FTO: variants seen among roughly 807,000 people sequenced by gnomAD.
FTO encodes the protein FTO alpha-ketoglutarate dependent dioxygenase.
A neutral mutation model predicts 63.9 loss-of-function variants in FTO; 47 were observed. The observed-to-expected ratio is 0.74, with a 90% CI of 0.58 to 0.94. The LOEUF is 0.94. Ranked by LOEUF, FTO falls within the 40% of genes least tolerant of loss-of-function variation. FTO has a pLI of 0.00. For synonymous variants in FTO, 207 were observed against 224.4 expected (o/e 0.92, Z 0.69); for missense variants, 562 against 618.1 (o/e 0.91, Z 0.96).
At chr16:53,884,918 G>A (rs1008834269) in intron 6 of FTO, among the ~76,000 whole-genome samples, 16 of 152,270 alleles carry the variant, frequency 1.1e-4, no homozygotes, top group East Asian at 1.9e-4. Flanking sequence ...TGTGTCACCC[G>A]TGGAATGTTC....
intron 8 of FTO, among the ~76,000 whole-genome samples, chr16:53,940,998 T>C (rs888490464): frequency 1.3e-5 from 2 of 152,320 alleles, no homozygotes; most frequent in South Asian, 4.1e-4. Flanking sequence ...GGATTTACTA[T>C]TCCAAGTTAA....
At chr16:53,922,340 A>T (rs1212803899) in intron 7 of FTO, among the ~76,000 whole-genome samples, 2 of 152,222 alleles carry the variant, frequency 1.3e-5, no homozygotes, top group African/African-American at 4.8e-5. Context: ...TTAAAGCTGT[A>T]AATGGGTTGT....
chr16:53,854,054 G>T (rs1237873912), intron 4 of FTO, among the ~76,000 whole-genome samples: 2 of 151,980 alleles, frequency 1.3e-5, no homozygotes, highest in South Asian at 2.1e-4. Context: ...GTTTTAATTT[G>T]CATTTCTTTG....
intron 1 of FTO, among the ~76,000 whole-genome samples, chr16:53,708,402 T>C (rs955809228): frequency 2.0e-5 from 3 of 152,042 alleles, no homozygotes; most frequent in Non-Finnish European, 4.4e-5. Flanking sequence ...GGATATACCA[T>C]ATTTTGTTTA....
At chr16:53,895,433 C>G (rs1336076936) in intron 7 of FTO, among the ~76,000 whole-genome samples, 1 of 152,152 alleles carries the variant, frequency 6.6e-6, no homozygotes, top group Non-Finnish European at 1.5e-5. Context: ...GTTTTTGCAA[C>G]TGGATAAGGA....
intron 1 of FTO, among the ~76,000 whole-genome samples, chr16:53,730,414 C>A (rs1321529697): frequency 4.6e-5 from 7 of 151,704 alleles, no homozygotes; most frequent in Non-Finnish European, 2.9e-5. Flanking sequence ...CATATTTTTT[C>A]TATCCATCCA....
chr16:53,758,102 T>G (rs1008076847), intron 1 of FTO, among the ~76,000 whole-genome samples: 7 of 152,148 alleles, frequency 4.6e-5, no homozygotes, highest in Admixed American at 4.6e-4. Context: ...ACCTGCCAGA[T>G]AGGTGTAAGA....
intron 1 of FTO, among the ~76,000 whole-genome samples, chr16:53,762,691 G>A (rs1370101349): frequency 1.3e-5 from 2 of 152,144 alleles, no homozygotes; most frequent in Admixed American, 1.3e-4. Context: ...AGAAAGAAAG[G>A]AAGAAAGGAA....
At chr16:53,967,369 T>G (rs1205132369) in intron 8 of FTO, among the ~76,000 whole-genome samples, 1 of 152,090 alleles carries the variant, frequency 6.6e-6, no homozygotes, top group Non-Finnish European at 1.5e-5. Flanking sequence ...ATTAAGACTC[T>G]GAGAACAGGC....
At chr16:53,892,088 C>CT (rs946974491) in intron 7 of FTO, among the ~76,000 whole-genome samples, 36 of 152,158 alleles carry the variant, frequency 2.4e-4, no homozygotes, top group Admixed American at 1.7e-3. Context: ...ATAGTGATTT[C>CT]TTTTTTCTAT....
intron 8 of FTO, chr16:53,993,023 C>T (rs1294104996): frequency 6.6e-6 from 1 of 152,198 alleles, no homozygotes; most frequent in African/African-American, 2.4e-5. Flanking sequence ...TTTTGACCCA[C>T]TGATGGTAGA....
At chr16:54,062,200 G>A (rs2144394312) in intron 8 of FTO, among the ~76,000 whole-genome samples, 1 of 152,294 alleles carries the variant, frequency 6.6e-6, no homozygotes, top group East Asian at 1.9e-4. Flanking sequence ...AAGTCATTTG[G>A]CAAACCCAAA....
intron 2 of FTO, among the ~76,000 whole-genome samples, chr16:53,821,426 T>A (rs2078863607): frequency 6.6e-6 from 1 of 152,206 alleles, no homozygotes; most frequent in Non-Finnish European, 1.5e-5. Flanking sequence ...TGCTCATGGC[T>A]TCAGAATATT....
At chr16:53,719,221 CT>C (rs2075969382) in intron 1 of FTO, among the ~76,000 whole-genome samples, 1 of 150,518 alleles carries the variant, frequency 6.6e-6, no homozygotes, top group Admixed American at 6.6e-5. Flanking sequence ...GAAGTTTGAA[CT>C]TTACTTCTTC....
At chr16:53,754,365 C>T (rs56353038) in intron 1 of FTO, among the ~76,000 whole-genome samples, 3,098 of 152,310 alleles carry the variant, frequency 0.02, 44 homozygotes, top group Middle Eastern at 0.088. Context: ...AGGCTGGGCG[C>T]GGTGGCTCAC....
At chr16:53,831,908 T>A (rs1442779086) in intron 3 of FTO, among the ~76,000 whole-genome samples, 2 of 152,000 alleles carry the variant, frequency 1.3e-5, no homozygotes, top group Non-Finnish European at 1.5e-5. Flanking sequence ...TGGCAGAAGG[T>A]AGGGCTTTGT....
chr16:54,054,249 A>G (rs2085378323), intron 8 of FTO, among the ~76,000 whole-genome samples: 1 of 152,148 alleles, frequency 6.6e-6, no homozygotes, highest in South Asian at 2.1e-4. Flanking sequence ...TAGAGAAATT[A>G]ACTCCATTAC....
intron 1 of FTO, among the ~76,000 whole-genome samples, chr16:53,750,096 TA>T (rs2076749411): frequency 1.3e-5 from 2 of 152,210 alleles, no homozygotes; most frequent in Non-Finnish European, 1.5e-5. Context: ...GAGGCTATCA[TA>T]ACTGATATTA....
chr16:54,106,537 T>C (rs2086755102), intron 8 of FTO, among the ~76,000 whole-genome samples: 1 of 129,320 alleles, frequency 7.7e-6, no homozygotes, highest in Non-Finnish European at 1.7e-5. Context: ...AATTATTTTA[T>C]ATATTATATA....
Sources: allele counts gnomAD v4.1 joint callset (sites outside exome capture counted in the v4.1 genomes callset), GRCh38; gene constraint gnomAD v4.1.1; transcripts MANE v1.5; gene names NCBI Gene and HGNC (gene_info 2026-07-23, HGNC 2026-07-21).